Variants in ORC4 observed in about 807,000 individuals in gnomAD.
The protein encoded by ORC4 is origin recognition complex subunit 4, also known as origin recognition complex, subunit 4 homolog.
In ORC4, 55 loss-of-function variants were observed where a neutral mutation model predicts 63.9. The ratio of observed to expected loss-of-function variants is 0.86; its 90% confidence interval spans 0.69 to 1.08. The LOEUF (loss-of-function observed/expected upper bound fraction) is 1.08. ORC4 is among the 50% of genes least tolerant of loss of function. The pLI, the probability that ORC4 is intolerant of heterozygous loss-of-function variation, is 0.00. For synonymous variants in ORC4, 150 were observed against 168.5 expected, an observed-to-expected ratio of 0.89 and a Z score of 0.85; for missense variants, 511 against 504.4, an observed-to-expected ratio of 1.01 and a Z score of -0.13.
In ORC4 at chr2:147,933,139, A is replaced by G. The variant is rs945695886; in HGVS notation, c.*2371T>C. 3 of 152,084 alleles carry G rather than the reference A, an allele frequency of 2.0e-5. No individual in the cohort carries two copies. Among genetic ancestry groups the G allele is most frequent in the Admixed American group, 6.6e-5 (1 of 15,238 alleles). The allele number at this position is 152,084 out of a possible 1,614,324, so 9.4% of individuals were successfully genotyped here. On this transcript the variant is annotated 3_prime_UTR_variant, in exon 14 of 14. Transcript: ENST00000392857. The stretch of plus-strand genomic sequence containing the variant: ...TTTCACCTGCTTTTCAGTTTGAGGT[A>G]ATCAGATTGAAAAGCAGGAGTTCAT...
intron 7 of ORC4, among the ~76,000 whole-genome samples, chr2:147,953,686 G>C (rs1234128151): frequency 1.3e-5 from 2 of 152,090 alleles, no homozygotes; most frequent in East Asian, 3.8e-4. Flanking sequence ...TGCTTTTCAT[G>C]GGGAAAGTTC....
chr2:147,972,695 G>C (rs1690287693), intron 4 of ORC4, 44 bp downstream of exon 4: 2 of 1,056,176 alleles, frequency 1.9e-6, no homozygotes, highest in Non-Finnish European at 2.9e-6. Context: ...TATAAAATAA[G>C]AATCATCACA....
intron 4 of ORC4, among the ~76,000 whole-genome samples, chr2:147,966,267 G>T (rs995785078): frequency 6.6e-5 from 10 of 151,630 alleles, no homozygotes; most frequent in African/African-American, 2.4e-4. Context: ...CAAAAAACTA[G>T]AAAAATTTCA....
rs1256415486 is a variant in ORC4 at position 147,931,298 on chromosome 2, A to ATAAT, written c.*4208_*4211dup. ...TGGTTCCAAGTCTTTGCTATTGTGA[A>ATAAT]TAATGCCACAATAAACATACGTGTG... On this transcript the variant is annotated 3_prime_UTR_variant, in exon 14 of 14. Transcript: ENST00000392857. The ATAAT allele has an allele frequency of 1.3e-5, 2 of 151,750 alleles. No individual in the cohort carries two copies. Among genetic ancestry groups the ATAAT allele is most frequent in the Non-Finnish European group, 2.9e-5 (2 of 67,950 alleles). 9.4% of individuals were successfully genotyped at this position (151,750 alleles called of 1,614,324 possible).
intron 1 of ORC4, among the ~76,000 whole-genome samples, chr2:147,994,659 G>C (rs1402895520): frequency 1.3e-5 from 2 of 152,194 alleles, no homozygotes; most frequent in African/African-American, 4.8e-5. Flanking sequence ...AATTGACACA[G>C]ACCTTACAAG....
chr2:147,943,783 G>C (rs1298267899), intron 9 of ORC4, among the ~76,000 whole-genome samples: 2 of 152,060 alleles, frequency 1.3e-5, no homozygotes, highest in Non-Finnish European at 2.9e-5. Context: ...ATTCGTACTT[G>C]AATAAGGGAA....
At chr2:147,972,439 T>C (rs553637322) in intron 4 of ORC4, among the ~76,000 whole-genome samples, 48 of 152,102 alleles carry the variant, frequency 3.2e-4, no homozygotes, top group African/African-American at 1.2e-3. Context: ...CCACTGGAAA[T>C]CTCTACTTCT....
intron 1 of ORC4, among the ~76,000 whole-genome samples, chr2:148,000,366 T>G (rs1235928874): frequency 6.6e-6 from 1 of 152,134 alleles, no homozygotes; most frequent in African/African-American, 2.4e-5. Context: ...ACAAAAGTGA[T>G]CTGAAGAGTG....
At chr2:147,945,108 T>C (rs1454874804) in intron 9 of ORC4, among the ~76,000 whole-genome samples, 2 of 152,094 alleles carry the variant, frequency 1.3e-5, no homozygotes, top group African/African-American at 4.8e-5. Context: ...GTTTCTGTAA[T>C]CTGTAAGTTG....
At chr2:147,980,452 G>C (rs757766433) in intron 1 of ORC4, among the ~76,000 whole-genome samples, 14 of 151,722 alleles carry the variant, frequency 9.2e-5, no homozygotes, top group Non-Finnish European at 2.9e-5. Context: ...GTTTCCCGTG[G>C]ATACAGAGGG....
At chr2:148,018,958 T>C (rs1693488143) in intron 1 of ORC4, among the ~76,000 whole-genome samples, 1 of 152,206 alleles carries the variant, frequency 6.6e-6, no homozygotes, top group Admixed American at 6.5e-5. Context: ...CATTATACTA[T>C]GTATCGATGT....
At chr2:147,938,571 C>T (rs1688191163) in intron 11 of ORC4, 178 bp from the exon 12 acceptor site, 1 of 567,888 alleles carries the variant, frequency 1.8e-6, no homozygotes, top group Non-Finnish European at 3.1e-6. Context: ...CTTAACCTCC[C>T]TGAGCTTAGT....
chr2:147,940,094 T>C (rs1328768724), intron 10 of ORC4, among the ~76,000 whole-genome samples: 12 of 152,334 alleles, frequency 7.9e-5, no homozygotes, highest in African/African-American at 2.9e-4. Flanking sequence ...TTCATTCTCC[T>C]ACTGGTTGGG....
intron 4 of ORC4, among the ~76,000 whole-genome samples, chr2:147,963,533 C>T (rs1320664428): frequency 1.3e-5 from 2 of 152,150 alleles, no homozygotes; most frequent in Non-Finnish European, 2.9e-5. Context: ...AACTGTATCC[C>T]TACACCTCTG....
upstream of ORC4, chr2:148,021,370 C>T (rs1365523007): frequency 4.5e-6 from 2 of 447,024 alleles, no homozygotes; most frequent in Middle Eastern, 6.9e-4. Context: ...TCCAACTCGC[C>T]TCCCTCCCTC....
chr2:147,962,889 C>A (rs991464324), intron 4 of ORC4, among the ~76,000 whole-genome samples: 7 of 152,126 alleles, frequency 4.6e-5, no homozygotes, highest in African/African-American at 7.2e-5. Flanking sequence ...TTACCCCTGG[C>A]AGGCATGCCC....
chr2:147,935,328 T>A lies in ORC4; in HGVS notation c.*182A>T. ...TACAAAGTAATCTCAATCAGTGAAA[T>A]TATAAATCATGTAACTGTTCATGAT... is the stretch of plus-strand genomic sequence containing the variant. On this transcript the variant is annotated 3_prime_UTR_variant, in exon 14 of 14. Coordinates refer to ENST00000392857, the MANE Select transcript of ORC4 (RefSeq NM_181741.4). 1.6e-6 allele frequency: 1 copy of A among 607,980 alleles called. No homozygotes were observed. The highest frequency in any genetic ancestry group is 2.9e-6 in the Non-Finnish European group (1 of 339,060). 37.7% of individuals were successfully genotyped at this position (607,980 alleles called of 1,614,324 possible).
intron 1 of ORC4, among the ~76,000 whole-genome samples, chr2:147,982,807 A>C (rs1179100917): frequency 2.0e-5 from 3 of 152,230 alleles, no homozygotes; most frequent in Non-Finnish European, 4.4e-5. Flanking sequence ...AGATGAGACA[A>C]GCTTCAGACT....
At chr2:147,992,949 A>G (rs1691714058) in intron 1 of ORC4, among the ~76,000 whole-genome samples, 1 of 152,220 alleles carries the variant, frequency 6.6e-6, no homozygotes, top group Non-Finnish European at 1.5e-5. Flanking sequence ...CTATAAAGAC[A>G]TATCTGACCT....
Sources: gnomAD v4.1 joint callset for allele counts (sites outside exome capture counted in the v4.1 genomes callset) on GRCh38, gnomAD v4.1.1 for gene constraint, MANE v1.5 for transcripts, NCBI Gene and HGNC (gene_info 2026-07-23, HGNC 2026-07-21) for gene names.